Variants in WDR41 observed in about 807,000 individuals in gnomAD.
WDR41 encodes WD repeat domain 41.
Under a neutral mutation model 69.3 loss-of-function variants are expected in WDR41, and 63 were observed. The ratio of observed to expected loss-of-function variants is 0.91; its 90% CI spans 0.74 to 1.12. The LOEUF is 1.12. Among genes scored for constraint, WDR41 ranks in the 50% most tolerant of loss-of-function variants. The pLI is 0.00. For missense variants in WDR41, 543 were observed against 534.5 expected (o/e 1.02, Z -0.16); for synonymous variants, 185 against 192.1 (o/e 0.96, Z 0.31).
At chr5:77,556,108 T>G (rs1246576073) in intron 1 of WDR41, among the ~76,000 whole-genome samples, 1 of 139,256 alleles carries the variant, frequency 7.2e-6, no homozygotes, top group East Asian at 2.1e-4. Flanking sequence ...TTTTTTTTTT[T>G]TTTTTTTTTT....
chr5:77,609,438 A>G (rs1381201685), intron 1 of WDR41, among the ~76,000 whole-genome samples: 2 of 152,128 alleles, frequency 1.3e-5, no homozygotes, highest in Admixed American at 1.3e-4. Context: ...TCACACGGCC[A>G]GGTACTCCTC....
chr5:77,470,653 A>C (rs1191952759), intron 2 of WDR41, among the ~76,000 whole-genome samples: 3 of 152,208 alleles, frequency 2.0e-5, no homozygotes, highest in African/African-American at 7.2e-5. Context: ...AACAGACTTT[A>C]AACCAACAAA....
rs138846373 is a variant in WDR41, at chr5:77,608,241, T to C, written c.42+12238A>G. ...CAAGGTTCATCTATGTTGTAGCATG[T>C]GTCAGAATTTCCTTCTTTTTAAGGC... On this transcript the variant is annotated intron_variant, in intron 1 of 5. Coordinates refer to the WDR41 transcript ENST00000509971. Among the ~76,000 whole-genome samples the C allele has an allele frequency of 1.9e-3, 291 of 152,346 alleles. 1 individual carries two copies. Among genetic ancestry groups the C allele is most frequent in the South Asian group, 1.2e-3 (6 of 4,824 alleles).
chr5:77,498,691 T>G (rs1308969003), intron 1 of WDR41, among the ~76,000 whole-genome samples: 1 of 151,610 alleles, frequency 6.6e-6, no homozygotes, highest in Non-Finnish European at 1.5e-5. Flanking sequence ...TGGTGGCAGG[T>G]GCCTGTGGTT....
At chr5:77,472,306 C>G (rs1308665192) in intron 2 of WDR41, among the ~76,000 whole-genome samples, 3 of 152,120 alleles carry the variant, frequency 2.0e-5, no homozygotes, top group Non-Finnish European at 4.4e-5. Context: ...GACAAACCCA[C>G]AGCCAATATC....
intron 2 of WDR41, among the ~76,000 whole-genome samples, chr5:77,472,924 C>A (rs916447950): frequency 3.1e-4 from 47 of 152,080 alleles, no homozygotes; most frequent in African/African-American, 9.7e-4. Flanking sequence ...AAACTACTTT[C>A]ACGTTCATAT....
chr5:77,555,136 C>T (rs1743368322), intron 1 of WDR41, among the ~76,000 whole-genome samples: 1 of 150,946 alleles, frequency 6.6e-6, no homozygotes, highest in Non-Finnish European at 1.5e-5. Context: ...CACACTCGTA[C>T]AATTCAAATT....
chr5:77,567,629 A>G (rs965938140), intron 1 of WDR41, among the ~76,000 whole-genome samples: 7 of 151,438 alleles, frequency 4.6e-5, no homozygotes, highest in African/African-American at 1.5e-4. Flanking sequence ...TAAGTACTGA[A>G]GTAAACACAA....
chr5:77,533,696 C>T (rs1056518045), intron 1 of WDR41, among the ~76,000 whole-genome samples: 1 of 152,074 alleles, frequency 6.6e-6, no homozygotes, highest in South Asian at 2.1e-4. Flanking sequence ...ATTCTCCACT[C>T]CTAAGGTTCA....
chr5:77,608,643 C>G (rs992327152), intron 1 of WDR41, among the ~76,000 whole-genome samples: 8 of 152,158 alleles, frequency 5.3e-5, no homozygotes, highest in South Asian at 2.1e-4. Flanking sequence ...TACCTAATTC[C>G]ATTTAAAAGA....
intron 5 of WDR41, among the ~76,000 whole-genome samples, chr5:77,454,704 A>C (rs2151310027): frequency 6.6e-6 from 1 of 152,338 alleles, no homozygotes; most frequent in African/African-American, 2.4e-5. Flanking sequence ...AGAAGAACAG[A>C]AAATAAAAGG....
chr5:77,431,470 T>A lies in WDR41; in HGVS notation c.*1665A>T, dbSNP rs1798719603. 1 of 152,224 alleles carries A rather than the reference T, an allele frequency of 6.6e-6. No homozygotes were observed. The highest frequency in any genetic ancestry group is 2.1e-4 in the South Asian group (1 of 4,830). The allele number at this position is 152,224 out of a possible 1,614,324, so 9.4% of individuals were successfully genotyped here. The stretch of plus-strand genomic sequence containing the variant: ...GCACTGGGAAACCAAAAACTAGATG[T>A]GACTCACTCTATTTGCAATAGTTGC... On this transcript the variant is annotated 3_prime_UTR_variant, in exon 13 of 13. Transcript: ENST00000296679.
intron 1 of WDR41, among the ~76,000 whole-genome samples, chr5:77,557,935 G>C (rs1194436857): frequency 6.6e-6 from 1 of 151,690 alleles, no homozygotes; most frequent in Non-Finnish European, 1.5e-5. Context: ...TTATATAAAG[G>C]CCAAAAACAT....
At chr5:77,517,631 CATATAT>C (rs34773798) in intron 1 of WDR41, among the ~76,000 whole-genome samples, 6,868 of 141,154 alleles carry the variant, frequency 0.049, 311 homozygotes, top group Admixed American at 0.12. Context: ...ATTTATTGAA[CATATAT>C]ATATATATAT....
chr5:77,464,858 A>C, intron 2 of WDR41, 49 bp from the exon 3 acceptor site: 1 of 1,572,808 alleles, frequency 6.4e-7, no homozygotes. Flanking sequence ...GTGACATTTA[A>C]TTACTAAGAT....
chr5:77,490,015 A>G (rs1801699071), intron 1 of WDR41, among the ~76,000 whole-genome samples: 1 of 152,218 alleles, frequency 6.6e-6, no homozygotes, highest in Non-Finnish European at 1.5e-5. Flanking sequence ...CAAGCACTCA[A>G]TACATGCTTG....
intron 1 of WDR41, among the ~76,000 whole-genome samples, chr5:77,595,616 T>C (rs1744214195): frequency 6.6e-6 from 1 of 152,234 alleles, no homozygotes; most frequent in Non-Finnish European, 1.5e-5. Flanking sequence ...CATTGCAAGA[T>C]AGGTAAGCCC....
In WDR41 at chr5:77,535,470, A is replaced by G. The variant is rs552016943; in HGVS notation, c.43-45898T>C. Among the ~76,000 whole-genome samples the G allele has an allele frequency of 4.6e-5, 7 of 152,302 alleles. No homozygotes were observed. The South Asian group carries it at 1.5e-3, about 32-fold the overall frequency. On this transcript the variant is annotated intron_variant, in intron 1 of 5. Coordinates refer to the WDR41 transcript ENST00000509971. ...GATGTCAGTTACAACTGTGTTGTGCATACGTATATCTCGGTATAGTCACAG... is the reference window on the plus strand; with the variant it reads ...GATGTCAGTTACAACTGTGTTGTGCGTACGTATATCTCGGTATAGTCACAG...
At chr5:77,611,916 GA>G (rs1225558364) in intron 1 of WDR41, among the ~76,000 whole-genome samples, 24 of 152,236 alleles carry the variant, frequency 1.6e-4, no homozygotes, top group African/African-American at 4.1e-4. Flanking sequence ...AAGAAAAAAA[GA>G]GAGAAGAATC....
Sources: gnomAD v4.1 joint callset for allele counts (sites outside exome capture counted in the v4.1 genomes callset) on GRCh38, gnomAD v4.1.1 for gene constraint, MANE v1.5 for transcripts, NCBI Gene and HGNC (gene_info 2026-07-23, HGNC 2026-07-21) for gene names.